The following DNAH6 variants were observed in gnomAD, a reference collection of about 807,000 sequenced individuals.
DNAH6 encodes the protein axonemal beta dynein heavy chain 6.
A neutral mutation model predicts 491.4 loss-of-function variants in DNAH6; 340 were observed. The observed-to-expected ratio is 0.69, with a 90% confidence interval of 0.63 to 0.76. The LOEUF (loss-of-function observed/expected upper bound fraction) is 0.76, where lower values mean the gene tolerates loss of function less well. Among genes scored for constraint, DNAH6 ranks in the 30% least tolerant of loss-of-function variants. The pLI is 0.00. For missense variants in DNAH6, 4,443 were observed against 4,972.2 expected (o/e 0.89, Z 3.20); for synonymous variants, 1,603 against 1,686.1 (o/e 0.95, Z 1.21).
intron 23 of DNAH6, among the ~76,000 whole-genome samples, chr2:84,617,428 TATTAA>T (rs1042980780): frequency 3.9e-5 from 6 of 152,092 alleles, no homozygotes; most frequent in African/African-American, 1.2e-4. Context: ...TATTATTGAT[TATTAA>T]ATTAAATTAT....
intron 2 of DNAH6, among the ~76,000 whole-genome samples, chr2:84,521,828 C>A (rs1323922480): frequency 1.3e-5 from 2 of 152,072 alleles, no homozygotes; most frequent in Non-Finnish European, 2.9e-5. Flanking sequence ...TTCTGTTGGT[C>A]TACATGTCTG....
the DNAH6 span, among the ~76,000 whole-genome samples, chr2:84,482,901 G>C: frequency 6.6e-6 from 1 of 152,026 alleles, no homozygotes; most frequent in Non-Finnish European, 1.5e-5. Flanking sequence ...GCAGGTGTCA[G>C]ACAAGTGGGA....
At chr2:84,818,635 A>G (rs910748636) in intron 76 of DNAH6, among the ~76,000 whole-genome samples, 1 of 152,190 alleles carries the variant, frequency 6.6e-6, no homozygotes, top group Non-Finnish European at 1.5e-5. Context: ...GATTCTGGGA[A>G]ACTTAACAGG....
chr2:84,495,188 A>G, the DNAH6 span, among the ~76,000 whole-genome samples: 2 of 152,242 alleles, frequency 1.3e-5, no homozygotes, highest in African/African-American at 4.8e-5. Context: ...TTATTGAGAC[A>G]GAGTCTTGCT....
chr2:84,575,547 G>A (rs1270836923), intron 12 of DNAH6, among the ~76,000 whole-genome samples: 1 of 152,182 alleles, frequency 6.6e-6, no homozygotes, highest in African/African-American at 2.4e-5. Flanking sequence ...CTAGTGAGCA[G>A]TTTAGATCTA....
chr2:84,818,038 C>T (rs1680662171), intron 76 of DNAH6, among the ~76,000 whole-genome samples: 1 of 152,114 alleles, frequency 6.6e-6, no homozygotes. Context: ...AGAAGCCTGG[C>T]ATAAAGAATT....
Position 84,685,410 on chromosome 2 carries a change from A to G in DNAH6, c.7001A>G (p.His2334Arg). The G allele has an allele frequency of 4.6e-6, 7 of 1,527,270 alleles. No homozygotes were observed. Among genetic ancestry groups the G allele is most frequent in the Non-Finnish European group, 6.2e-6 (7 of 1,131,958 alleles). The allele number at this position is 1,527,270 out of a possible 1,614,324, so 94.6% of individuals were successfully genotyped here. ...TGCCATGAGTGCCAAAGGGTCTTCC[A>G]TGATCGCTTGATTAATAATGAAGAT... is the stretch of plus-strand genomic sequence containing the variant. ...LFCHECQRVF[H>R]DRLINNEDKH... Residue 2334 changes from histidine (H) to arginine (R), a missense_variant, in exon 43 of 77, where the codon CAT becomes CGT. Physicochemically the swap from His to Arg is conservative, Grantham distance 29. This residue lies in a region of DNAH6 where 2,977 missense variants were observed against 3,296.6 expected (regional missense o/e 0.90). Transcript: ENST00000389394.
intron 63 of DNAH6, among the ~76,000 whole-genome samples, chr2:84,753,852 G>C (rs1035280206): frequency 7.5e-6 from 1 of 132,660 alleles, no homozygotes; most frequent in Non-Finnish European, 1.5e-5. Context: ...TTGAGACATA[G>C]TCTCACTCTG....
At chr2:84,767,198 G>C (rs569113577) in intron 64 of DNAH6, among the ~76,000 whole-genome samples, 1 of 152,176 alleles carries the variant, frequency 6.6e-6, no homozygotes, top group African/African-American at 2.4e-5. Context: ...GAGAAAATTG[G>C]CAGACAATTT....
intron 59 of DNAH6, among the ~76,000 whole-genome samples, chr2:84,719,787 G>A (rs1037906853): frequency 6.6e-6 from 1 of 151,818 alleles, no homozygotes; most frequent in Non-Finnish European, 1.5e-5. Context: ...GCCTCCCAAA[G>A]TGTCGGAATT....
At chr2:84,588,996 T>C in intron 16 of DNAH6, 42 bp downstream of exon 16, 1 of 1,511,456 alleles carries the variant, frequency 6.6e-7, no homozygotes, top group Non-Finnish European at 8.9e-7. Flanking sequence ...AATGTGTGTA[T>C]AGAAATGGCG....
At chr2:84,626,697 G>A (rs2104429045) in intron 29 of DNAH6, among the ~76,000 whole-genome samples, 1 of 152,216 alleles carries the variant, frequency 6.6e-6, no homozygotes, top group African/African-American at 2.4e-5. Flanking sequence ...CTGCCTCCCG[G>A]GTTCAAGCAG....
At chr2:84,789,623 A>G (rs1677551922) in intron 68 of DNAH6, among the ~76,000 whole-genome samples, 1 of 152,246 alleles carries the variant, frequency 6.6e-6, no homozygotes, top group Admixed American at 6.5e-5. Context: ...GGCATTTTGC[A>G]TCTTGACTTT....
At chr2:84,509,766 C>T in the DNAH6 span, among the ~76,000 whole-genome samples, 1 of 152,124 alleles carries the variant, frequency 6.6e-6, no homozygotes, top group African/African-American at 2.4e-5. Flanking sequence ...TTAGGGCAGG[C>T]CTGGTGGTGA....
chr2:84,549,373 T>C (rs563298990), intron 8 of DNAH6, among the ~76,000 whole-genome samples: 11 of 152,310 alleles, frequency 7.2e-5, no homozygotes, highest in African/African-American at 2.2e-4. Flanking sequence ...TTGAGCAGAA[T>C]AGTACTATTC....
chr2:84,677,020 T>C lies in DNAH6; in HGVS notation c.6628T>C (p.Ser2210Pro). 2 of 1,551,812 alleles carry C rather than the reference T, an allele frequency of 1.3e-6. No homozygotes were observed. The highest frequency in any genetic ancestry group is 2.7e-5 in the African/African-American group (2 of 73,184). The change falls in exon 41 of 77, where the codon TCG becomes CCG. Residue 2210 changes from serine to proline, a missense_variant. By Grantham distance (74) the Ser-to-Pro change is moderately conservative. Transcript: ENST00000389394. ...CTGCACACAGGATGTAACAATCATA[T>C]CGGCATGTGCACCTCCAGGCGGTGG... ...WKEIQDVTII[S>P]ACAPPGGGRN... is the part of the protein sequence containing the mutation.
In DNAH6 at chr2:84,552,926, T is replaced by A; in HGVS notation, c.1494T>A (p.Leu498=). Residue 498 remains leucine, a synonymous_variant, in exon 10 of 77, where the codon CTT becomes CTA. Transcript: ENST00000389394. ...ACATATATTCATTTCAGGGGACCCT[T>A]ATGGTGGAAAAGCAAGAAGAAGATG... ...KPEVPDKKGT[L]MVEKQEEDES... 6.2e-7 allele frequency: 1 copy of A among 1,606,806 alleles called. No individual in the cohort carries two copies. Among genetic ancestry groups the A allele is most frequent in the South Asian group, 1.1e-5 (1 of 90,338 alleles).
intron 70 of DNAH6, among the ~76,000 whole-genome samples, chr2:84,799,941 A>G (rs1440171407): frequency 1.3e-5 from 2 of 152,054 alleles, no homozygotes; most frequent in East Asian, 3.9e-4. Flanking sequence ...CATTGGACCC[A>G]CCCTGCTGAA....
rs779547478 is a variant in DNAH6, at chr2:84,548,343, C to T, written c.1242C>T (p.Pro414=). 15 of 1,613,504 alleles carry T rather than the reference C, an allele frequency of 9.3e-6. No individual in the cohort carries two copies. The South Asian group carries it at 1.6e-4, about 18-fold the overall frequency. Residue 414 remains proline, a synonymous_variant, in exon 8 of 77, where the codon CCC becomes CCT. Transcript: ENST00000389394. The stretch of plus-strand genomic sequence containing the variant: ...TCATTAATACACCACATGAGTTGCC[C>T]ACTTATGGAGACTCTGAGAAAATGA... The part of the protein sequence containing the change: ...GSFINTPHEL[P]TYGDSEKMTY...
Sources: allele counts gnomAD v4.1 joint callset (sites outside exome capture counted in the v4.1 genomes callset), GRCh38; gene constraint gnomAD v4.1.1; regional missense constraint gnomAD v4.1.1; transcripts MANE v1.5; gene names NCBI Gene and HGNC (gene_info 2026-07-23, HGNC 2026-07-21).